CACNB2: variants seen among roughly 807,000 people sequenced by gnomAD.
CACNB2 encodes voltage-dependent L-type calcium channel subunit beta-2.
A neutral mutation model predicts 73.3 loss-of-function variants in CACNB2; 42 were observed. The observed-to-expected ratio is 0.57, with a 90% CI of 0.45 to 0.74. The LOEUF is 0.74. CACNB2 is among the 30% of genes least tolerant of loss of function. The pLI is 0.00. For synonymous variants in CACNB2, 348 were observed against 310.3 expected, an observed-to-expected ratio of 1.12 and a Z score of -1.28; for missense variants, 940 against 853.0, an observed-to-expected ratio of 1.10 and a Z score of -1.27.
At chr10:18,194,940 T>C (rs16916950) in intron 2 of CACNB2, among the ~76,000 whole-genome samples, 5,868 of 152,296 alleles carry the variant, frequency 0.039, 361 homozygotes, top group African/African-American at 0.13. Context: ...AGAATTGCTC[T>C]GGTTTCAAAC....
At chr10:18,503,779 G>T (rs1467590146) in intron 5 of CACNB2, among the ~76,000 whole-genome samples, 1 of 152,268 alleles carries the variant, frequency 6.6e-6, no homozygotes, top group East Asian at 1.9e-4. Flanking sequence ...TGAGAAAGGG[G>T]TTCCAAGATG....
intron 3 of CACNB2, among the ~76,000 whole-genome samples, chr10:18,449,705 G>C (rs1299588026): frequency 6.6e-6 from 1 of 152,224 alleles, no homozygotes; most frequent in Admixed American, 6.5e-5. Context: ...ATGGGAACTT[G>C]ACAGAATCTC....
At chr10:18,514,693 T>C (rs1716456748) in intron 7 of CACNB2, among the ~76,000 whole-genome samples, 1 of 152,228 alleles carries the variant, frequency 6.6e-6, no homozygotes, top group African/African-American at 2.4e-5. Context: ...GGGAGTGACC[T>C]GTTAAAACAC....
intron 2 of CACNB2, among the ~76,000 whole-genome samples, chr10:18,340,092 G>C (rs1033444217): frequency 6.6e-6 from 1 of 152,046 alleles, no homozygotes; most frequent in African/African-American, 2.4e-5. Context: ...TGTTTTCCAT[G>C]TTCTTTTAGT....
At chr10:18,182,092 C>T (rs1251275642) in intron 2 of CACNB2, 12 of 152,262 alleles carry the variant, frequency 7.9e-5, no homozygotes, top group Admixed American at 7.9e-4. Flanking sequence ...TCCTGGGTCA[C>T]TGGCAGAAAC....
chr10:18,158,837 G>T (rs139916512), intron 2 of CACNB2, among the ~76,000 whole-genome samples: 1 of 152,320 alleles, frequency 6.6e-6, no homozygotes, highest in Admixed American at 6.5e-5. Flanking sequence ...TTCTTTTCAA[G>T]AGATTGTGCA....
chr10:18,367,967 G>C (rs565861546), intron 2 of CACNB2, among the ~76,000 whole-genome samples: 2 of 152,106 alleles, frequency 1.3e-5, no homozygotes, highest in Admixed American at 1.3e-4. Flanking sequence ...TATTTTGGCC[G>C]TCTGGTCATA....
intron 2 of CACNB2, among the ~76,000 whole-genome samples, chr10:18,367,250 T>G (rs2042393466): frequency 6.6e-6 from 1 of 152,182 alleles, no homozygotes; most frequent in South Asian, 2.1e-4. Context: ...AATGTTGAAA[T>G]ACTTTGGGAC....
chr10:18,141,047 G>A, intron 1 of CACNB2, 191 bp downstream of exon 1: 1 of 1,545,742 alleles, frequency 6.5e-7, no homozygotes, highest in Non-Finnish European at 8.7e-7. Context: ...GCTCTGCCTC[G>A]GCTTCCATTT....
chr10:18,251,800 C>T (rs757242001), intron 2 of CACNB2, among the ~76,000 whole-genome samples: 2 of 152,298 alleles, frequency 1.3e-5, no homozygotes, highest in African/African-American at 4.8e-5. Context: ...GGAAGTGCTA[C>T]ATGCTTTTAA....
Position 18,463,741 on chromosome 10 carries a change from C to T in CACNB2, c.334-34614C>T, listed in dbSNP as rs1023138018. On this transcript the variant is annotated intron_variant, in intron 3 of 13. Coordinates refer to ENST00000324631, the MANE Select transcript of CACNB2 (RefSeq NM_201596.3). Reference sequence around the variant, plus strand: ...CCACCGTGCCTGGCCCCAAGAGTTCCTATCCTGCAGCATCTAGTCATCCCC... The same window carrying T: ...CCACCGTGCCTGGCCCCAAGAGTTCTTATCCTGCAGCATCTAGTCATCCCC... Among the ~76,000 whole-genome samples the T allele has an allele frequency of 2.4e-4, 36 of 152,022 alleles. 1 individual carries two copies. Among genetic ancestry groups the T allele is most frequent in the Admixed American group, 2.4e-3 (36 of 15,240 alleles).
At chr10:18,301,642 C>T (rs533863977) in intron 2 of CACNB2, among the ~76,000 whole-genome samples, 9 of 124,792 alleles carry the variant, frequency 7.2e-5, no homozygotes, top group African/African-American at 2.7e-4. Context: ...AAGCCTTTCT[C>T]TCTTTTTTTT....
Position 18,241,435 on chromosome 10 carries a change from G to A in CACNB2, c.213+90460G>A, listed in dbSNP as rs75187737. On this transcript the variant is annotated intron_variant, in intron 2 of 13. Coordinates refer to ENST00000324631, the MANE Select transcript of CACNB2 (RefSeq NM_201596.3). The stretch of plus-strand genomic sequence containing the variant: ...AACATCACACACTGGGGCCTGTCAC[G>A]AGGTGGGAGGCTAGGGGAGGGATAG... 3.9e-3 allele frequency among the ~76,000 whole-genome samples: 600 copies of A among 152,278 alleles called. 1 individual carries two copies. The highest frequency in any genetic ancestry group is 6.7e-3 in the Non-Finnish European group (458 of 68,034).
At chr10:18,320,260 A>G (rs2131949517) in intron 2 of CACNB2, among the ~76,000 whole-genome samples, 1 of 152,314 alleles carries the variant, frequency 6.6e-6, no homozygotes, top group African/African-American at 2.4e-5. Flanking sequence ...CTGTTTGAGC[A>G]CAGGGAGCTT....
At chr10:18,470,281 G>A (rs1305442825) in intron 3 of CACNB2, among the ~76,000 whole-genome samples, 2 of 150,438 alleles carry the variant, frequency 1.3e-5, no homozygotes, top group Admixed American at 1.3e-4. Context: ...GAGGTCTGGA[G>A]TTTGAGGTTG....
intron 2 of CACNB2, among the ~76,000 whole-genome samples, chr10:18,384,132 G>A (rs947949119): frequency 2.6e-5 from 4 of 152,142 alleles, no homozygotes; most frequent in Non-Finnish European, 5.9e-5. Flanking sequence ...GTGTTCCCAA[G>A]GAACCTGTAG....
intron 2 of CACNB2, among the ~76,000 whole-genome samples, chr10:18,208,346 T>C (rs1481146266): frequency 1.3e-5 from 2 of 152,026 alleles, no homozygotes; most frequent in Non-Finnish European, 2.9e-5. Context: ...TGTAGTGATA[T>C]GTGGCTGTTG....
chr10:18,530,084 T>G (rs1455416083), intron 10 of CACNB2, among the ~76,000 whole-genome samples: 2 of 152,158 alleles, frequency 1.3e-5, no homozygotes, highest in Non-Finnish European at 2.9e-5. Context: ...GAGAACTACA[T>G]GGGAAAGACC....
intron 3 of CACNB2, among the ~76,000 whole-genome samples, chr10:18,474,845 C>G (rs1190364236): frequency 6.6e-6 from 1 of 151,810 alleles, no homozygotes; most frequent in Non-Finnish European, 1.5e-5. Context: ...CAATTCTGAC[C>G]TTATCTACCT....
Sources: allele counts gnomAD v4.1 joint callset (sites outside exome capture counted in the v4.1 genomes callset), GRCh38; gene constraint gnomAD v4.1.1; transcripts MANE v1.5; gene names NCBI Gene and HGNC (gene_info 2026-07-23, HGNC 2026-07-21).